PCDH15: variants seen among roughly 807,000 people sequenced by gnomAD.
PCDH15 encodes protocadherin-15.
A neutral mutation model predicts 178.5 loss-of-function variants in PCDH15; 129 were observed. The observed-to-expected ratio is 0.72, with a 90% confidence interval of 0.63 to 0.84. PCDH15 has a LOEUF of 0.84. Among genes scored for constraint, PCDH15 ranks in the 40% least tolerant of loss-of-function variants. The probability of loss-of-function intolerance (pLI) is 0.00; values close to 1 mark genes in which losing one functional copy is unlikely to be tolerated. For synonymous variants in PCDH15, 800 were observed against 732.0 expected (o/e 1.09, Z -1.50); for missense variants, 2,230 against 2,099.9 (o/e 1.06, Z -1.21).
chr10:55,065,836 T>C (rs1302844553), intron 2 of PCDH15, among the ~76,000 whole-genome samples: 1 of 152,004 alleles, frequency 6.6e-6, no homozygotes, highest in African/African-American at 2.4e-5. Context: ...TAAAGTTCTC[T>C]AGACAATGCT....
chr10:54,918,892 C>T (rs1564629630), intron 2 of PCDH15, among the ~76,000 whole-genome samples: 1 of 152,196 alleles, frequency 6.6e-6, no homozygotes, highest in East Asian at 1.9e-4. Context: ...ATACACCAAA[C>T]ATCATAAGTG....
intron 1 of PCDH15, among the ~76,000 whole-genome samples, chr10:55,225,726 T>C (rs1030686150): frequency 1.3e-5 from 2 of 151,434 alleles, no homozygotes; most frequent in South Asian, 2.1e-4. Context: ...TAACTATGAG[T>C]GTGAAGTATA....
At chr10:54,853,332 T>A (rs375670502) in intron 3 of PCDH15, among the ~76,000 whole-genome samples, 2 of 97,190 alleles carry the variant, frequency 2.1e-5, no homozygotes, top group Admixed American at 2.4e-4. Context: ...TACACACACA[T>A]ATACATATAT....
chr10:54,203,084 T>C (rs971536774), intron 10 of PCDH15, among the ~76,000 whole-genome samples: 1 of 152,112 alleles, frequency 6.6e-6, no homozygotes, highest in African/African-American at 2.4e-5. Flanking sequence ...GTCCTTATAA[T>C]CTGGAGCAAA....
In PCDH15 at chr10:53,871,665, C is replaced by G. The variant is rs368634191; in HGVS notation, c.3502-4808G>C. Among the ~76,000 whole-genome samples the G allele has an allele frequency of 9.2e-4, 140 of 152,176 alleles. 3 individuals are homozygous for G. The South Asian group carries it at 0.029, about 32-fold the overall frequency. On this transcript the variant is annotated intron_variant, in intron 26 of 37. Coordinates refer to ENST00000644397, the MANE Select transcript of PCDH15 (RefSeq NM_001384140.1). Reference sequence around the variant, plus strand: ...CATATTATCACACAATTGTAACTCCCTTATAACTCTACTTTTCTTAATTTT... The same window carrying G: ...CATATTATCACACAATTGTAACTCCGTTATAACTCTACTTTTCTTAATTTT...
At chr10:55,268,435 T>G (rs953772655) in intron 1 of PCDH15, among the ~76,000 whole-genome samples, 6 of 152,174 alleles carry the variant, frequency 3.9e-5, no homozygotes, top group African/African-American at 1.4e-4. Context: ...ATATCCAAAG[T>G]GATTTCAGTA....
At chr10:53,987,247 T>C (rs1296476742) in intron 21 of PCDH15, among the ~76,000 whole-genome samples, 1 of 152,076 alleles carries the variant, frequency 6.6e-6, no homozygotes, top group African/African-American at 2.4e-5. Context: ...ACATCATCTA[T>C]ATAGCTTTAA....
intron 2 of PCDH15, among the ~76,000 whole-genome samples, chr10:55,510,388 A>C (rs1840852563): frequency 6.6e-6 from 1 of 151,994 alleles, no homozygotes; most frequent in Non-Finnish European, 1.5e-5. Context: ...TTGTGAAAGT[A>C]TGGAATGTGG....
chr10:54,659,747 C>T (rs1331486303), intron 2 of PCDH15, among the ~76,000 whole-genome samples: 2 of 72,912 alleles, frequency 2.7e-5, no homozygotes, highest in African/African-American at 1.0e-4. Context: ...GAGTAAGACC[C>T]TGTCTCAAAA....
intron 3 of PCDH15, among the ~76,000 whole-genome samples, chr10:54,519,218 G>C (rs996747520): frequency 2.2e-4 from 33 of 152,226 alleles, no homozygotes; most frequent in African/African-American, 6.0e-4. Flanking sequence ...CCAGGGCAAT[G>C]AGGCAGGAGA....
chr10:54,601,166 T>C (rs1182336790), intron 2 of PCDH15, among the ~76,000 whole-genome samples: 2 of 151,974 alleles, frequency 1.3e-5, no homozygotes, highest in African/African-American at 4.8e-5. Flanking sequence ...AAAGGTCATA[T>C]TGGAAACATA....
intron 32 of PCDH15, among the ~76,000 whole-genome samples, chr10:53,827,012 C>A (rs1002964771): frequency 6.6e-6 from 1 of 151,656 alleles, no homozygotes; most frequent in African/African-American, 2.4e-5. Flanking sequence ...TTATTTCTCT[C>A]GTCTCCTATG....
intron 8 of PCDH15, among the ~76,000 whole-genome samples, chr10:54,257,049 T>C (rs1386276624): frequency 6.7e-6 from 1 of 149,396 alleles, no homozygotes; most frequent in Non-Finnish European, 1.5e-5. Context: ...TCTCGATAGA[T>C]TAGATAGATA....
intron 3 of PCDH15, among the ~76,000 whole-genome samples, chr10:54,455,027 T>C (rs2076729264): frequency 6.6e-6 from 1 of 152,144 alleles, no homozygotes; most frequent in Non-Finnish European, 1.5e-5. Context: ...CAAGATATCA[T>C]GGTTTTATAA....
At chr10:55,162,209 G>T (rs1839085194) in intron 2 of PCDH15, among the ~76,000 whole-genome samples, 1 of 152,098 alleles carries the variant, frequency 6.6e-6, no homozygotes, top group Admixed American at 6.6e-5. Context: ...GTTAGATGTA[G>T]AACTTCCCGT....
At position 53,903,381 on chromosome 10, in the gene PCDH15, A is replaced by G. The variant is rs1419589892; in HGVS notation, c.3374-11T>C. 1 of 1,611,942 alleles carries G rather than the reference A, an allele frequency of 6.2e-7. No individual in the cohort carries two copies. The highest frequency in any genetic ancestry group is 1.3e-5 in the African/African-American group (1 of 75,004). Reference sequence around the variant, plus strand: ...CTTTAGCTGTATTGCCTGGAGGACAAGAAACGATGCATTTTTTATTGGTGG... The same window carrying G: ...CTTTAGCTGTATTGCCTGGAGGACAGGAAACGATGCATTTTTTATTGGTGG... On this transcript the variant is annotated splice_polypyrimidine_tract_variant and intron_variant, in intron 25 of 37. Transcript: ENST00000644397.
At chr10:53,832,659 A>G (rs2077080595) in intron 29 of PCDH15, among the ~76,000 whole-genome samples, 1 of 150,886 alleles carries the variant, frequency 6.6e-6, no homozygotes, top group Admixed American at 6.6e-5. Flanking sequence ...AAAATACAGA[A>G]AACACAAAAA....
intron 25 of PCDH15, 140 bp downstream of exon 25, chr10:53,938,675 G>A (rs2085784351): frequency 1.8e-5 from 16 of 892,282 alleles, no homozygotes; most frequent in South Asian, 1.7e-4. Flanking sequence ...CTGTTTAAAC[G>A]AATAGGCAAT....
At chr10:54,010,576 G>A (rs1056009854) in intron 20 of PCDH15, among the ~76,000 whole-genome samples, 1 of 152,194 alleles carries the variant, frequency 6.6e-6, no homozygotes. Flanking sequence ...TTACTGCCCA[G>A]TGCCTCTGGA....
Sources: gnomAD v4.1 joint callset for allele counts (sites outside exome capture counted in the v4.1 genomes callset) on GRCh38, gnomAD v4.1.1 for gene constraint, MANE v1.5 for transcripts, NCBI Gene and HGNC (gene_info 2026-07-23, HGNC 2026-07-21) for gene names.